The following NCOA1 variants were observed in gnomAD, a reference collection of about 807,000 sequenced individuals.
NCOA1 encodes nuclear receptor coactivator 1, also known as Hin-2 protein.
In NCOA1, 35 loss-of-function variants were observed where a neutral mutation model predicts 150.9. The ratio of observed to expected loss-of-function variants is 0.23; its 90% CI spans 0.18 to 0.31. NCOA1 has a LOEUF of 0.31. Ranked by LOEUF, NCOA1 falls within the 10% of genes least tolerant of loss-of-function variation. The pLI, the probability that NCOA1 is intolerant of heterozygous loss-of-function variation, is 1.00. For missense variants in NCOA1, 1,491 were observed against 1,749.3 expected (o/e 0.85, Z 2.63); for synonymous variants, 590 against 630.0 (o/e 0.94, Z 0.95).
intron 18 of NCOA1, among the ~76,000 whole-genome samples, chr2:24,741,285 C>T (rs916332388): frequency 6.6e-6 from 1 of 152,086 alleles, no homozygotes; most frequent in Non-Finnish European, 1.5e-5. Context: ...ATAATGTTCT[C>T]AGTGAGAAAA....
chr2:24,519,249 C>T (rs1428949003), intron 1 of NCOA1, among the ~76,000 whole-genome samples: 1 of 152,134 alleles, frequency 6.6e-6, no homozygotes, highest in South Asian at 2.1e-4. Context: ...AATACTGATA[C>T]GTGCTACAAC....
chr2:24,753,711 A>G (rs977916450), intron 20 of NCOA1, among the ~76,000 whole-genome samples: 3 of 152,088 alleles, frequency 2.0e-5, no homozygotes, highest in African/African-American at 4.8e-5. Flanking sequence ...TCTCATCTCC[A>G]TGACCTCCAT....
chr2:24,673,341 ATTT>A, intron 6 of NCOA1, 22 bp from the exon 7 acceptor site: 1 of 1,467,110 alleles, frequency 6.8e-7, no homozygotes, highest in Non-Finnish European at 9.2e-7. Context: ...CAGATATGTG[ATTT>A]TTTTAAGTTT....
chr2:24,678,297 A>G (rs1277640364), intron 7 of NCOA1, among the ~76,000 whole-genome samples: 2 of 152,178 alleles, frequency 1.3e-5, no homozygotes, highest in Non-Finnish European at 2.9e-5. Context: ...ATTGATGGGC[A>G]TTTAGGTTGA....
chr2:24,581,676 A>G (rs373644514), intron 2 of NCOA1, among the ~76,000 whole-genome samples: 1 of 152,150 alleles, frequency 6.6e-6, no homozygotes, highest in East Asian at 1.9e-4. Context: ...AGAAAACTAC[A>G]GGCCAATATT....
chr2:24,723,869 C>T (rs765328701), intron 14 of NCOA1, among the ~76,000 whole-genome samples: 1 of 152,066 alleles, frequency 6.6e-6, no homozygotes, highest in Non-Finnish European at 1.5e-5. Context: ...CCAGAAACTT[C>T]CTTAACAACA....
At chr2:24,603,512 T>C (rs1252547162) in intron 3 of NCOA1, among the ~76,000 whole-genome samples, 1 of 152,234 alleles carries the variant, frequency 6.6e-6, no homozygotes, top group African/African-American at 2.4e-5. Context: ...TTTACCAAGT[T>C]TATGTAATAT....
chr2:24,491,262 T>C lies in NCOA1; in HGVS notation c.-736T>C, dbSNP rs1388070147. ...CGGGGGGCGGTGGCGGCGGCGGCGGTGGCGGCCGAGGAGGAGAACATGGCG... is the reference window on the plus strand; with the variant it reads ...CGGGGGGCGGTGGCGGCGGCGGCGGCGGCGGCCGAGGAGGAGAACATGGCG... On this transcript the variant is annotated 5_prime_UTR_variant, in exon 1 of 23. Transcript: ENST00000348332. Among the ~76,000 whole-genome samples, 1 of 138,708 alleles carries C rather than the reference T, an allele frequency of 7.2e-6. No homozygotes were observed. The highest frequency in any genetic ancestry group is 2.6e-5 in the African/African-American group (1 of 37,974). 91.0% of individuals were successfully genotyped at this position (138,708 alleles called of 152,430 possible).
chr2:24,658,724 C>CA lies in NCOA1; in HGVS notation c.48dup (p.His17ThrfsTer2). The stretch of plus-strand genomic sequence containing the variant: ...TCATCCGACCCTGCTAACCCAGACT[C>CA]ACATAAGAGGAAAGGATCGCCATGT... On this transcript the variant is annotated frameshift_variant, in exon 5 of 23. Coordinates refer to ENST00000348332, the MANE Select transcript of NCOA1 (RefSeq NM_003743.5). LOFTEE classifies it high-confidence loss of function. 1 of 1,614,090 alleles carries CA rather than the reference C, an allele frequency of 6.2e-7. No individual in the cohort carries two copies. The highest frequency in any genetic ancestry group is 8.5e-7 in the Non-Finnish European group (1 of 1,179,974).
At chr2:24,654,284 A>G (rs1458471004) in intron 4 of NCOA1, among the ~76,000 whole-genome samples, 1 of 152,152 alleles carries the variant, frequency 6.6e-6, no homozygotes, top group Non-Finnish European at 1.5e-5. Context: ...AAATTTTGCA[A>G]AGGCCAACTA....
intron 4 of NCOA1, among the ~76,000 whole-genome samples, chr2:24,646,576 T>C (rs1287048174): frequency 6.6e-6 from 1 of 152,094 alleles, no homozygotes; most frequent in East Asian, 1.9e-4. Context: ...ATAGTGACAT[T>C]GGAGAAGAGT....
At chr2:24,610,953 T>A (rs1668596036) in intron 3 of NCOA1, among the ~76,000 whole-genome samples, 1 of 152,082 alleles carries the variant, frequency 6.6e-6, no homozygotes, top group African/African-American at 2.4e-5. Context: ...TTTAAAAAAT[T>A]TTTTAACTTT....
At position 24,697,756 on chromosome 2, in the gene NCOA1, C is replaced by G; in HGVS notation, c.907C>G (p.Gln303Glu). ...GTGCATTTATGCTTTTTTCCAACCTCAGGGCAGAGAACCATCTTATGCCAG... is the reference window on the plus strand; with the variant it reads ...GTGCATTTATGCTTTTTTCCAACCTGAGGGCAGAGAACCATCTTATGCCAG... Reference protein sequence around the residue: ...RKCIYAFFQPQGREPSYARQL... With the variant: ...RKCIYAFFQPEGREPSYARQL... The change falls in exon 11 of 23, where the codon CAG becomes GAG. Residue 303 changes from glutamine (Q) to glutamate (E), a missense_variant. Coordinates refer to ENST00000348332, the MANE Select transcript of NCOA1 (RefSeq NM_003743.5). The G allele has an allele frequency of 6.2e-7, 1 of 1,613,892 alleles. No homozygotes were observed. Among genetic ancestry groups the G allele is most frequent in the Non-Finnish European group, 8.5e-7 (1 of 1,179,838 alleles).
chr2:24,684,760 TAATAG>T (rs1272768654), intron 8 of NCOA1, among the ~76,000 whole-genome samples: 9 of 152,296 alleles, frequency 5.9e-5, no homozygotes, highest in South Asian at 2.1e-4. Flanking sequence ...AGCTCAGTAA[TAATAG>T]AATAGATCAC....
At chr2:24,763,018 G>T (rs1225527075) in intron 22 of NCOA1, among the ~76,000 whole-genome samples, 1 of 152,186 alleles carries the variant, frequency 6.6e-6, no homozygotes, top group Non-Finnish European at 1.5e-5. Flanking sequence ...GATCAGTTCA[G>T]ATGGCTTAAC....
chr2:24,553,079 A>G (rs1264678856), intron 1 of NCOA1, among the ~76,000 whole-genome samples: 2 of 152,228 alleles, frequency 1.3e-5, no homozygotes, highest in Admixed American at 6.5e-5. Context: ...TCGTCATCTT[A>G]GGAGACAACG....
chr2:24,730,058 A>G (rs1326460414), intron 17 of NCOA1, among the ~76,000 whole-genome samples: 2 of 152,100 alleles, frequency 1.3e-5, no homozygotes, highest in Admixed American at 1.3e-4. Context: ...ATTGGCCAGG[A>G]TGGTCTCGAT....
intron 8 of NCOA1, among the ~76,000 whole-genome samples, chr2:24,685,259 G>A (rs1329437666): frequency 6.6e-6 from 1 of 152,120 alleles, no homozygotes; most frequent in East Asian, 1.9e-4. Flanking sequence ...GAAGATTTCA[G>A]TGTCTAAAAT....
At position 24,706,825 on chromosome 2, in the gene NCOA1, A is replaced by T; in HGVS notation, c.1355A>T (p.Asn452Ile). 4 of 1,614,182 alleles carry T rather than the reference A, an allele frequency of 2.5e-6. No homozygotes were observed. The highest frequency in any genetic ancestry group is 3.4e-6 in the Non-Finnish European group (4 of 1,180,040). ...GCSPGSQIVA[N>I]VALNQGQASS... ...TCACCCGGAAGTCAGATTGTAGCCA[A>T]TGTTGCCTTAAACCAAGGACAGGCC... Residue 452 changes from asparagine to isoleucine, a missense_variant, in exon 13 of 23, where the codon AAT (asparagine) becomes ATT (isoleucine). This residue lies in a region of NCOA1 where 703 missense variants were observed against 717.7 expected (regional missense o/e 0.98). Coordinates refer to ENST00000348332, the MANE Select transcript of NCOA1 (RefSeq NM_003743.5).
Sources: gnomAD v4.1 joint callset for allele counts (sites outside exome capture counted in the v4.1 genomes callset) on GRCh38, gnomAD v4.1.1 for gene constraint, gnomAD v4.1.1 regional missense constraint, MANE v1.5 for transcripts, NCBI Gene and HGNC (gene_info 2026-07-23, HGNC 2026-07-21) for gene names.